Variants in MAPKAP1 observed in about 807,000 individuals in gnomAD.
MAPKAP1 encodes target of rapamycin complex 2 subunit MAPKAP1.
Under a neutral mutation model 65.7 loss-of-function variants are expected in MAPKAP1, and 20 were observed. The ratio of observed to expected loss-of-function variants is 0.30; its 90% CI spans 0.21 to 0.44. MAPKAP1 has a LOEUF of 0.44. MAPKAP1 is among the 20% of genes least tolerant of loss of function. The pLI is 1.00. For missense variants in MAPKAP1, 423 were observed against 648.0 expected (o/e 0.65, Z 3.77); for synonymous variants, 222 against 244.3 (o/e 0.91, Z 0.85).
At chr9:125,449,339 G>T (rs1437986019) in intron 10 of MAPKAP1, among the ~76,000 whole-genome samples, 1 of 152,194 alleles carries the variant, frequency 6.6e-6, no homozygotes, top group Non-Finnish European at 1.5e-5. Context: ...TAGCAGGGAG[G>T]TGGTCATTCA....
intron 7 of MAPKAP1, chr9:125,521,773 C>CA (rs764505199): frequency 1.4e-5 from 22 of 1,611,774 alleles, no homozygotes; most frequent in Non-Finnish European, 1.4e-5. Flanking sequence ...CACCTAAGGA[C>CA]AAAAAACAGA....
intron 3 of MAPKAP1, among the ~76,000 whole-genome samples, chr9:125,664,064 C>T (rs897508189): frequency 3.9e-5 from 6 of 152,034 alleles, no homozygotes; most frequent in African/African-American, 9.7e-5. Context: ...TAACAGATTT[C>T]GGCCAGGTGC....
At chr9:125,537,983 G>C (rs1433353296) in intron 7 of MAPKAP1, among the ~76,000 whole-genome samples, 2 of 151,974 alleles carry the variant, frequency 1.3e-5, no homozygotes, top group African/African-American at 4.8e-5. Context: ...TTCCTGATCT[G>C]TATCCCTCTG....
intron 1 of MAPKAP1, among the ~76,000 whole-genome samples, chr9:125,693,664 C>CATACACGTAT (rs1564620090): frequency 8.0e-6 from 1 of 124,608 alleles, no homozygotes; most frequent in Admixed American, 8.5e-5. Context: ...TACATACACA[C>CATACACGTAT]ACATATACAC....
intron 7 of MAPKAP1, among the ~76,000 whole-genome samples, chr9:125,525,482 T>C (rs1231333226): frequency 6.6e-6 from 1 of 152,034 alleles, no homozygotes; most frequent in Admixed American, 6.6e-5. Context: ...AAGACCAGCC[T>C]GACCAACATG....
chr9:125,581,591 C>CAGAT (rs1283111604), intron 5 of MAPKAP1, among the ~76,000 whole-genome samples: 1 of 152,148 alleles, frequency 6.6e-6, no homozygotes, highest in Non-Finnish European at 1.5e-5. Context: ...TGTCTTTAGT[C>CAGAT]AGATATGTGG....
At chr9:125,516,156 A>T (rs931379285) in intron 7 of MAPKAP1, among the ~76,000 whole-genome samples, 7 of 152,232 alleles carry the variant, frequency 4.6e-5, no homozygotes, top group Non-Finnish European at 8.8e-5. Flanking sequence ...CGTCTACAAG[A>T]CAAATCACTT....
At chr9:125,621,160 T>A (rs899930324) in intron 4 of MAPKAP1, among the ~76,000 whole-genome samples, 2 of 151,908 alleles carry the variant, frequency 1.3e-5, no homozygotes, top group African/African-American at 4.8e-5. Flanking sequence ...TAGTCCCAGC[T>A]ACTCCAGAGA....
At chr9:125,673,907 A>G (rs1481801742) in intron 1 of MAPKAP1, among the ~76,000 whole-genome samples, 1 of 152,104 alleles carries the variant, frequency 6.6e-6, no homozygotes, top group African/African-American at 2.4e-5. Flanking sequence ...GCACCATTGC[A>G]CTCCAGCCTG....
intron 5 of MAPKAP1, among the ~76,000 whole-genome samples, chr9:125,564,262 G>C (rs1830981329): frequency 6.6e-6 from 1 of 152,148 alleles, no homozygotes; most frequent in Non-Finnish European, 1.5e-5. Context: ...AGAAAAAACA[G>C]AAATGATGAT....
intron 11 of MAPKAP1, among the ~76,000 whole-genome samples, chr9:125,441,299 A>T (rs1174936873): frequency 6.6e-6 from 1 of 152,200 alleles, no homozygotes; most frequent in African/African-American, 2.4e-5. Flanking sequence ...TAGCTCAGTG[A>T]CATCTTGATG....
At chr9:125,552,547 T>C (rs1203042422) in intron 6 of MAPKAP1, among the ~76,000 whole-genome samples, 4 of 152,236 alleles carry the variant, frequency 2.6e-5, no homozygotes, top group African/African-American at 7.2e-5. Context: ...TTTGCTATAA[T>C]GGACACATAT....
At chr9:125,449,706 T>C (rs1010154968) in intron 10 of MAPKAP1, among the ~76,000 whole-genome samples, 1 of 152,162 alleles carries the variant, frequency 6.6e-6, no homozygotes, top group African/African-American at 2.4e-5. Flanking sequence ...TAATTCATCT[T>C]CTGTATTATG....
intron 4 of MAPKAP1, among the ~76,000 whole-genome samples, chr9:125,612,227 AAC>A (rs1832621495): frequency 6.6e-6 from 1 of 152,182 alleles, no homozygotes; most frequent in Non-Finnish European, 1.5e-5. Context: ...CTCAACCTGT[AAC>A]AGTCTTGACC....
At chr9:125,497,051 C>T (rs1294895409) in intron 8 of MAPKAP1, among the ~76,000 whole-genome samples, 5 of 152,220 alleles carry the variant, frequency 3.3e-5, no homozygotes, top group African/African-American at 1.2e-4. Context: ...CTGTAACGAG[C>T]CCATGGAGGG....
chr9:125,582,451 G>A (rs1301707600), intron 5 of MAPKAP1, among the ~76,000 whole-genome samples: 3 of 152,124 alleles, frequency 2.0e-5, no homozygotes, highest in African/African-American at 7.2e-5. Flanking sequence ...GAGAACCCTT[G>A]CTTGCTCTCT....
intron 1 of MAPKAP1, among the ~76,000 whole-genome samples, chr9:125,693,638 C>CACACATATACACGTATACAT (rs1588082716): frequency 1.4e-5 from 2 of 143,240 alleles, no homozygotes; most frequent in Non-Finnish European, 3.0e-5. Context: ...CACATATACA[C>CACACATATACACGTATACAT]ACACATATAC....
At chr9:125,592,960 T>A (rs1589320802) in intron 4 of MAPKAP1, among the ~76,000 whole-genome samples, 1 of 125,984 alleles carries the variant, frequency 7.9e-6, no homozygotes, top group Non-Finnish European at 1.7e-5. Flanking sequence ...TTGGAAAAAG[T>A]AAGTTGAAAT....
chr9:125,503,693 C>T (rs1357439725), intron 8 of MAPKAP1, among the ~76,000 whole-genome samples: 1 of 151,752 alleles, frequency 6.6e-6, no homozygotes. Context: ...AGATCCTTTT[C>T]TCTTTAAGAT....
Sources: allele counts gnomAD v4.1 joint callset (sites outside exome capture counted in the v4.1 genomes callset), GRCh38; gene constraint gnomAD v4.1.1; transcripts MANE v1.5; gene names NCBI Gene and HGNC (gene_info 2026-07-23, HGNC 2026-07-21).